GAS2: variants seen among roughly 807,000 people sequenced by gnomAD.
GAS2 encodes the protein growth arrest specific 2.
Under a neutral mutation model 37.5 loss-of-function variants are expected in GAS2, and 20 were observed. That is an observed-to-expected ratio of 0.53 (90% CI 0.37 to 0.77). GAS2 has a LOEUF of 0.77. GAS2 is among the 30% of genes least tolerant of loss of function. The pLI, the probability that GAS2 is intolerant of heterozygous loss-of-function variation, is 0.00. For synonymous variants in GAS2, 144 were observed against 132.2 expected (o/e 1.09, Z -0.61); for missense variants, 336 against 373.4 (o/e 0.90, Z 0.82).
At chr11:22,685,414 T>C (rs1356019797) in intron 2 of GAS2, among the ~76,000 whole-genome samples, 1 of 152,210 alleles carries the variant, frequency 6.6e-6, no homozygotes, top group African/African-American at 2.4e-5. Flanking sequence ...CAGGATATCA[T>C]TTTGCCACCT....
At chr11:22,626,780 A>G (rs1489793831) in intron 1 of GAS2, 3 of 152,226 alleles carry the variant, frequency 2.0e-5, no homozygotes, top group Non-Finnish European at 4.4e-5. Context: ...TTGTACTTTA[A>G]CAAAAAGGGG....
At chr11:22,730,640 G>A (rs556707007) in intron 4 of GAS2, among the ~76,000 whole-genome samples, 1 of 151,766 alleles carries the variant, frequency 6.6e-6, no homozygotes, top group East Asian at 1.9e-4. Flanking sequence ...TTAGGATTGT[G>A]CTTTAAGTTA....
At chr11:22,784,317 G>T (rs1855721720) in intron 7 of GAS2, among the ~76,000 whole-genome samples, 1 of 152,138 alleles carries the variant, frequency 6.6e-6, no homozygotes, top group African/African-American at 2.4e-5. Context: ...TAAGGGTTCT[G>T]TGTCTTCAAC....
chr11:22,777,231 G>A (rs1261537685), intron 7 of GAS2, among the ~76,000 whole-genome samples: 2 of 152,128 alleles, frequency 1.3e-5, no homozygotes, highest in Non-Finnish European at 2.9e-5. Context: ...ACAATACTCT[G>A]TGCCATTTGG....
rs1848806368 is a variant in GAS2, at chr11:22,652,993, G to GTCTTTCTTTCTTTCTTTTTCTTTCTT, written c.-20-21840_-20-21839insTTCTTTCTTTCTTTCTTTCTTTCTTT. ...TTTCTTTCTTTGTCTTTCTTTCTTTGTCTTTCTTTCTTTCTTTCTTTCTTT... is the reference window on the plus strand; with the variant it reads ...TTTCTTTCTTTGTCTTTCTTTCTTTGTCTTTCTTTCTTTCTTTTTCTTTCTTTCTTTCTTTCTTTCTTTCTTTCTTT... On this transcript the variant is annotated intron_variant, in intron 1 of 5. Transcript: ENST00000528582. 3.1e-4 allele frequency among the ~76,000 whole-genome samples: 30 copies of GTCTTTCTTTCTTTCTTTTTCTTTCTT among 97,036 alleles called. 1 individual carries two copies. The highest frequency in any genetic ancestry group is 1.4e-3 in the African/African-American group (29 of 20,498). The allele number at this position is 97,036 out of a possible 152,430, so 63.7% of individuals were successfully genotyped here.
chr11:22,685,870 A>G, intron 3 of GAS2, 81 bp downstream of exon 3: 2 of 1,411,192 alleles, frequency 1.4e-6, no homozygotes, highest in Admixed American at 4.3e-5. Context: ...TAATTAAAAA[A>G]TTTATTGTGA....
chr11:22,775,677 A>T (rs1023200908), intron 7 of GAS2, among the ~76,000 whole-genome samples: 2 of 149,466 alleles, frequency 1.3e-5, no homozygotes, highest in East Asian at 2.0e-4. Context: ...TTTGTTATTT[A>T]AAAAAAAAAC....
chr11:22,799,613 T>A (rs2134631664), intron 7 of GAS2, among the ~76,000 whole-genome samples: 1 of 152,222 alleles, frequency 6.6e-6, no homozygotes, highest in South Asian at 2.1e-4. Flanking sequence ...TAAGCAAAAA[T>A]TGGTCTGAAT....
At chr11:22,780,133 G>T (rs923741461) in intron 7 of GAS2, among the ~76,000 whole-genome samples, 33 of 152,148 alleles carry the variant, frequency 2.2e-4, no homozygotes, top group African/African-American at 8.0e-4. Flanking sequence ...GTACTGTTTA[G>T]ACATAATACA....
At chr11:22,788,495 T>C (rs772788054) in intron 7 of GAS2, among the ~76,000 whole-genome samples, 1 of 152,182 alleles carries the variant, frequency 6.6e-6, no homozygotes, top group Non-Finnish European at 1.5e-5. Context: ...TCCCTGCCCC[T>C]ACTTGTGAGA....
At chr11:22,757,828 T>C (rs535479502) in intron 7 of GAS2, among the ~76,000 whole-genome samples, 1 of 152,170 alleles carries the variant, frequency 6.6e-6, no homozygotes, top group Non-Finnish European at 1.5e-5. Context: ...ACCTATCCTT[T>C]GGCTTGTCAT....
chr11:22,758,216 G>T (rs1210398825), intron 7 of GAS2, among the ~76,000 whole-genome samples: 1 of 152,290 alleles, frequency 6.6e-6, no homozygotes, highest in East Asian at 1.9e-4. Flanking sequence ...CCTGGATTAA[G>T]TAGTAAGTGC....
intron 1 of GAS2, among the ~76,000 whole-genome samples, chr11:22,638,704 G>GA (rs1244645808): frequency 6.6e-6 from 1 of 152,066 alleles, no homozygotes; most frequent in East Asian, 1.9e-4. Flanking sequence ...ATGGACCAAT[G>GA]AAAACAAGTT....
chr11:22,637,962 ACTTTTT>A (rs1015238109), intron 1 of GAS2, among the ~76,000 whole-genome samples: 2 of 151,884 alleles, frequency 1.3e-5, no homozygotes, highest in Non-Finnish European at 2.9e-5. Flanking sequence ...ATATATTCCC[ACTTTTT>A]CTTTTTCCAG....
At chr11:22,681,704 A>C (rs1474231767) in intron 2 of GAS2, among the ~76,000 whole-genome samples, 1 of 152,202 alleles carries the variant, frequency 6.6e-6, no homozygotes, top group Non-Finnish European at 1.5e-5. Flanking sequence ...ATTTAAACTA[A>C]AGAAGATTTG....
chr11:22,632,854 T>C (rs537957910), intron 1 of GAS2, among the ~76,000 whole-genome samples: 1 of 152,166 alleles, frequency 6.6e-6, no homozygotes, highest in East Asian at 1.9e-4. Context: ...ATGTTAAAAC[T>C]TTTCCCTGCA....
At chr11:22,707,851 A>T (rs1851200851) in intron 3 of GAS2, among the ~76,000 whole-genome samples, 1 of 152,178 alleles carries the variant, frequency 6.6e-6, no homozygotes, top group South Asian at 2.1e-4. Context: ...TTTTGTAAAC[A>T]TTGAGCTGGA....
intron 1 of GAS2, among the ~76,000 whole-genome samples, chr11:22,641,690 C>T (rs1361914893): frequency 6.6e-6 from 1 of 152,102 alleles, no homozygotes; most frequent in African/African-American, 2.4e-5. Context: ...TCTTCCAAAT[C>T]CCTGCTGAAT....
At chr11:22,674,312 C>G (rs1348454649) in intron 1 of GAS2, among the ~76,000 whole-genome samples, 1 of 151,900 alleles carries the variant, frequency 6.6e-6, no homozygotes, top group African/African-American at 2.4e-5. Context: ...GCTTCTCACC[C>G]AGTTCTCTAA....
Sources: allele counts gnomAD v4.1 joint callset (sites outside exome capture counted in the v4.1 genomes callset), GRCh38; gene constraint gnomAD v4.1.1; transcripts MANE v1.5; gene names NCBI Gene and HGNC (gene_info 2026-07-23, HGNC 2026-07-21).